The following PCNT variants were observed in gnomAD, a reference collection of about 807,000 sequenced individuals.
PCNT encodes the protein kendrin.
In PCNT, 319 loss-of-function variants were observed where a neutral mutation model predicts 380.4. That is an observed-to-expected ratio of 0.84 (90% confidence interval 0.77 to 0.92). The LOEUF (loss-of-function observed/expected upper bound fraction) is 0.92, where lower values mean the gene tolerates loss of function less well. PCNT is among the 40% of genes least tolerant of loss of function. PCNT has a pLI of 0.00. For missense variants in PCNT, 4,400 were observed against 4,255.3 expected (o/e 1.03, Z -0.95); for synonymous variants, 1,845 against 1,735.2 (o/e 1.06, Z -1.57).
intron 11 of PCNT, 45 bp from the exon 12 acceptor site, chr21:46,355,407 T>G: frequency 1.9e-6 from 3 of 1,595,466 alleles, no homozygotes; most frequent in Non-Finnish European, 2.6e-6. Context: ...GCGAGCGAGG[T>G]AGCTTGGCTC....
At chr21:46,401,224 C>T (rs1014332105) in intron 25 of PCNT, among the ~76,000 whole-genome samples, 2 of 152,208 alleles carry the variant, frequency 1.3e-5, no homozygotes, top group African/African-American at 4.8e-5. Flanking sequence ...TACCATCAGC[C>T]ATTGCCCTAT....
At chr21:46,384,418 A>G (rs1047342503) in intron 16 of PCNT, among the ~76,000 whole-genome samples, 1 of 146,666 alleles carries the variant, frequency 6.8e-6, no homozygotes, top group Non-Finnish European at 1.5e-5. Context: ...GCGGAAGCGC[A>G]TTCACCATGT....
chr21:46,436,844 G>A lies in PCNT; in HGVS notation c.8997-135G>A. The A allele has an allele frequency of 2.1e-5, 15 of 731,284 alleles. No individual in the cohort carries two copies. The South Asian group carries it at 2.2e-4, about 11-fold the overall frequency. 45.3% of individuals were successfully genotyped at this position (731,284 alleles called of 1,614,324 possible). A position where few individuals can be genotyped will look rare whatever the true frequency, so the allele number is the denominator to read the frequency against. On this transcript the variant is annotated intron_variant, in intron 39 of 46. Coordinates refer to ENST00000359568, the MANE Select transcript of PCNT (RefSeq NM_006031.6). ...CGTGGGCCCCTGGCTCTGCCTCACG[G>A]CTGGACGAAGTGATTCACACACAGG...
rs757979469 is a variant in PCNT at position 46,353,167 on chromosome 21, G to A, written c.1520G>A (p.Arg507Gln). ...GAAGATTTAGAACAGCTGAAGCAGCGAGAAAAAACCCAGCATGAGTCCGAA... is the reference window on the plus strand; with the variant it reads ...GAAGATTTAGAACAGCTGAAGCAGCAAGAAAAAACCCAGCATGAGTCCGAA... ...RVEDLEQLKQ[R>Q]EKTQHESELE... The change falls in exon 10 of 47, where the codon CGA (arginine) becomes CAA (glutamine). Residue 507 changes from arginine to glutamine, a missense_variant. By Grantham distance (43) the Arg-to-Gln change is conservative. Transcript: ENST00000359568. The A allele has an allele frequency of 2.0e-5, 32 of 1,613,980 alleles. No individual in the cohort carries two copies. The highest frequency in any genetic ancestry group is 1.3e-4 in the South Asian group (12 of 91,086).
intron 32 of PCNT, among the ~76,000 whole-genome samples, chr21:46,424,883 A>G (rs2147893316): frequency 6.6e-6 from 1 of 152,234 alleles, no homozygotes; most frequent in East Asian, 1.9e-4. Context: ...CAGTTGTTAG[A>G]GATGAACATA....
At position 46,353,235 on chromosome 21, in the gene PCNT, G is replaced by C. The variant is rs534552336; in HGVS notation, c.1588G>C (p.Ala530Pro). The C allele has an allele frequency of 6.2e-7, 1 of 1,614,186 alleles. No individual in the cohort carries two copies. Among genetic ancestry groups the C allele is most frequent in the Non-Finnish European group, 8.5e-7 (1 of 1,180,020 alleles). The part of the protein sequence containing the change: ...RIYFEKKLRD[A>P]EKTYQEDLTL... ...TTATTTTGAAAAGAAGTTAAGGGAT[G>C]CTGAGAAAACTTACCAAGAAGACCT... The change falls in exon 10 of 47, where the codon GCT (alanine) becomes CCT (proline). Residue 530 changes from alanine to proline, a missense_variant. By Grantham distance (27) the Ala-to-Pro change is conservative. Coordinates refer to ENST00000359568, the MANE Select transcript of PCNT (RefSeq NM_006031.6).
At chr21:46,358,507 T>G (rs147971313) in intron 13 of PCNT, among the ~76,000 whole-genome samples, 99 of 152,298 alleles carry the variant, frequency 6.5e-4, no homozygotes, top group African/African-American at 2.2e-3. Context: ...AGGCGGTAGG[T>G]GGGCCGATGG....
chr21:46,325,045 C>T (rs1330168512), intron 1 of PCNT: 12 of 985,412 alleles, frequency 1.2e-5, no homozygotes, highest in African/African-American at 3.5e-5. Context: ...GACGCGCTCC[C>T]GTCTTTCTCC....
At chr21:46,374,599 C>A (rs943478902) in intron 15 of PCNT, among the ~76,000 whole-genome samples, 3 of 152,178 alleles carry the variant, frequency 2.0e-5, no homozygotes, top group Non-Finnish European at 4.4e-5. Context: ...CCTGTAATCC[C>A]AGCACTTTGG....
At chr21:46,411,047 C>A (rs2086768549) in intron 27 of PCNT, 142 bp from the exon 28 acceptor site, 1 of 852,540 alleles carries the variant, frequency 1.2e-6, no homozygotes, top group Non-Finnish European at 1.9e-6. Flanking sequence ...CCGGCACCAG[C>A]AGTTTGCTTC....
chr21:46,430,512 T>C lies in PCNT; in HGVS notation c.7919T>C (p.Met2640Thr). 1.3e-6 allele frequency: 2 copies of C among 1,551,584 alleles called. No homozygotes were observed. Among genetic ancestry groups the C allele is most frequent in the African/African-American group, 1.4e-5 (1 of 73,224 alleles). ...VQQEVLQLRS[M>T]LSSKENELKA... ...TCTGCGATGTCTCCACGCAGATCCA[T>C]GCTGAGCAGTAAGGAGAACGAGCTG... Residue 2640 changes from methionine to threonine, a missense_variant, in exon 37 of 47, where the codon ATG (methionine) becomes ACG (threonine). Physicochemically the swap from Met to Thr is moderately conservative, Grantham distance 81. Coordinates refer to ENST00000359568, the MANE Select transcript of PCNT (RefSeq NM_006031.6).
intron 2 of PCNT, among the ~76,000 whole-genome samples, chr21:46,330,600 C>T (rs930025799): frequency 1.3e-5 from 2 of 151,458 alleles, no homozygotes; most frequent in Admixed American, 1.3e-4. Context: ...CTGATTATAT[C>T]ATTGTACATC....
chr21:46,444,032 T>G (rs2053684904), intron 45 of PCNT, 84 bp downstream of exon 45: 4 of 1,454,950 alleles, frequency 2.7e-6, no homozygotes, highest in Admixed American at 4.1e-5. Context: ...GCATTTTTAG[T>G]TCTGGCTTTG....
At chr21:46,352,354 C>T (rs1008870481) in intron 9 of PCNT, among the ~76,000 whole-genome samples, 1 of 152,216 alleles carries the variant, frequency 6.6e-6, no homozygotes, top group South Asian at 2.1e-4. Flanking sequence ...GTCGATTTAT[C>T]TTCCTCTGGG....
At chr21:46,330,641 A>G (rs2083530079) in intron 2 of PCNT, among the ~76,000 whole-genome samples, 3 of 151,904 alleles carry the variant, frequency 2.0e-5, no homozygotes, top group Non-Finnish European at 2.9e-5. Flanking sequence ...AGTTTTTTTC[A>G]TATGTATTAT....
chr21:46,417,871 C>T (rs560606877), intron 30 of PCNT, among the ~76,000 whole-genome samples: 1 of 152,300 alleles, frequency 6.6e-6, no homozygotes, highest in African/African-American at 2.4e-5. Flanking sequence ...CCACTGCACT[C>T]CAGCCTGGGT....
intron 8 of PCNT, among the ~76,000 whole-genome samples, chr21:46,350,086 C>T (rs998823859): frequency 1.6e-4 from 25 of 151,760 alleles, no homozygotes; most frequent in Admixed American, 1.1e-3. Context: ...GGCTGAGGCA[C>T]GAGAATCGCT....
At chr21:46,365,705 G>C (rs1328690514) in intron 14 of PCNT, among the ~76,000 whole-genome samples, 4 of 148,678 alleles carry the variant, frequency 2.7e-5, no homozygotes, top group African/African-American at 7.5e-5. Flanking sequence ...CACTGCTGTG[G>C]GGTTCTGTTC....
In PCNT at chr21:46,421,979, C is replaced by T. The variant is rs746166873; in HGVS notation, c.7034C>T (p.Ser2345Leu). ...CCTGTGGTGTTTTTAGGTGACGGCTCGGGTTTTGGAGCAAGACTGAGCCCG... is the reference window on the plus strand; with the variant it reads ...CCTGTGGTGTTTTTAGGTGACGGCTTGGGTTTTGGAGCAAGACTGAGCCCG... ...KADRSEKSDG[S>L]GFGARLSPGS... Residue 2345 changes from serine to leucine, a missense_variant, in exon 32 of 47, where the codon TCG becomes TTG. Transcript: ENST00000359568. 8 of 1,614,024 alleles carry T rather than the reference C, an allele frequency of 5.0e-6. No homozygotes were observed. In the East Asian group the frequency reaches 6.7e-5, roughly 13 times the overall value.
Sources: allele counts gnomAD v4.1 joint callset (sites outside exome capture counted in the v4.1 genomes callset), GRCh38; gene constraint gnomAD v4.1.1; transcripts MANE v1.5; gene names NCBI Gene and HGNC (gene_info 2026-07-23, HGNC 2026-07-21).